Variants in DST observed in about 807,000 individuals in gnomAD.
DST encodes dystonin, also known as bullous pemphigoid antigen.
A neutral mutation model predicts 875.2 loss-of-function variants in DST; 253 were observed. The ratio of observed to expected loss-of-function variants is 0.29; its 90% confidence interval spans 0.26 to 0.32. The LOEUF (loss-of-function observed/expected upper bound fraction) is 0.32, where lower values mean the gene tolerates loss of function less well. Among genes scored for constraint, DST ranks in the 10% least tolerant of loss-of-function variants. DST has a pLI of 1.00. For synonymous variants in DST, 3,124 were observed against 3,197.1 expected (o/e 0.98, Z 0.77); for missense variants, 8,287 against 9,111.6 (o/e 0.91, Z 3.68).
chr6:56,764,663 A>C (rs752411972), intron 4 of DST, among the ~76,000 whole-genome samples: 7 of 152,130 alleles, frequency 4.6e-5, no homozygotes, highest in Non-Finnish European at 1.0e-4. Flanking sequence ...GAACACTAAA[A>C]AGAAGGATGT....
chr6:56,531,623 G>T (rs1445950360), intron 64 of DST, among the ~76,000 whole-genome samples: 1 of 152,082 alleles, frequency 6.6e-6, no homozygotes, highest in South Asian at 2.1e-4. Context: ...ACTCACTCAG[G>T]TCAGTGATTC....
intron 5 of DST, among the ~76,000 whole-genome samples, chr6:56,716,174 A>C (rs1353074816): frequency 6.6e-6 from 1 of 152,220 alleles, no homozygotes; most frequent in African/African-American, 2.4e-5. Flanking sequence ...CTGAATAATG[A>C]ATCGTAAAAC....
intron 36 of DST, chr6:56,620,477 T>G: frequency 6.2e-7 from 1 of 1,614,172 alleles, no homozygotes; most frequent in East Asian, 2.2e-5. Flanking sequence ...AGCCCTTATC[T>G]TCTGCAGAGA....
intron 84 of DST, 138 bp downstream of exon 84, chr6:56,492,796 C>A: frequency 1.4e-6 from 1 of 723,604 alleles, no homozygotes; most frequent in Non-Finnish European, 2.1e-6. Flanking sequence ...TCGCTTGAAC[C>A]GGGAGGCAGA....
At chr6:56,947,049 G>C (rs1819896633) in intron 2 of DST, among the ~76,000 whole-genome samples, 1 of 152,030 alleles carries the variant, frequency 6.6e-6, no homozygotes, top group Non-Finnish European at 1.5e-5. Context: ...CAATGATGCT[G>C]ATCCTTGGAC....
chr6:56,911,327 C>T (rs890417449), intron 2 of DST, among the ~76,000 whole-genome samples: 10 of 152,190 alleles, frequency 6.6e-5, no homozygotes, highest in South Asian at 2.1e-4. Context: ...GCCTGAGAGT[C>T]TGCTTTTCTA....
chr6:56,599,516 G>A (rs1025889045), intron 45 of DST, among the ~76,000 whole-genome samples: 3 of 152,020 alleles, frequency 2.0e-5, no homozygotes, highest in African/African-American at 4.8e-5. Context: ...CTGAGGCTGT[G>A]ACAGACTGTT....
intron 36 of DST, chr6:56,618,230 T>C (rs1402508378): frequency 2.5e-6 from 4 of 1,614,166 alleles, no homozygotes; most frequent in East Asian, 2.2e-5. Flanking sequence ...TTGGACTTCT[T>C]TGGGTATCTG....
chr6:56,778,142 T>A (rs1321072375), intron 4 of DST, among the ~76,000 whole-genome samples: 1 of 152,142 alleles, frequency 6.6e-6, no homozygotes, highest in Non-Finnish European at 1.5e-5. Flanking sequence ...GTGCTTCTAC[T>A]AGCATAGTTC....
At chr6:56,725,828 G>A (rs1203242715) in intron 5 of DST, among the ~76,000 whole-genome samples, 1 of 152,086 alleles carries the variant, frequency 6.6e-6, no homozygotes, top group African/African-American at 2.4e-5. Context: ...CATTCCATAT[G>A]TTAAGAACTC....
chr6:56,951,474 T>C (rs576964044), intron 2 of DST, among the ~76,000 whole-genome samples: 8 of 152,358 alleles, frequency 5.3e-5, no homozygotes, highest in African/African-American at 1.9e-4. Context: ...TTTTAAAATA[T>C]GTTTAAAACC....
intron 4 of DST, among the ~76,000 whole-genome samples, chr6:56,825,966 A>T (rs1459195023): frequency 6.6e-6 from 1 of 152,254 alleles, no homozygotes; most frequent in African/African-American, 2.4e-5. Flanking sequence ...CATGGCACTC[A>T]ATAACACTAT....
rs1307502181 is a variant in DST, at chr6:56,603,389, A to G, written c.10973T>C (p.Val3658Ala). ...CAACTTCATATCTTTTCTTAAAATA[A>G]CAGCAATTGGAGCTAATCCCAATTC... Reference protein sequence around the residue: ...TFELGLAPIAVILRKDMKLAE... With the variant: ...TFELGLAPIAAILRKDMKLAE... The change falls in exon 42 of 104, where the codon GTT (valine) becomes GCT (alanine). Residue 3658 changes from valine (V) to alanine (A), a missense_variant. This residue lies in a region of DST where 3,138 missense variants were observed against 3,116.6 expected (regional missense o/e 1.01). Coordinates refer to ENST00000680361, the MANE Select transcript of DST (RefSeq NM_001374736.1). 6.2e-7 allele frequency: 1 copy of G among 1,610,808 alleles called. No individual in the cohort carries two copies. Among genetic ancestry groups the G allele is most frequent in the African/African-American group, 1.3e-5 (1 of 74,984 alleles).
Position 56,552,244 on chromosome 6 carries a change from C to T in DST, c.16548G>A (p.Glu5516=). Residue 5516 remains glutamate, a synonymous_variant, in exon 61 of 104, where the codon GAG becomes GAA. Coordinates refer to ENST00000680361, the MANE Select transcript of DST (RefSeq NM_001374736.1). ...ILLQKAEEHE[E]SQGPVGMETE... is the part of the protein sequence containing the mutation. ...TTTCCATACCAACAGGACCTTGTGACTCTTCATGTTCTTCGGCTTTCTGGA... is the reference window on the plus strand; with the variant it reads ...TTTCCATACCAACAGGACCTTGTGATTCTTCATGTTCTTCGGCTTTCTGGA... The T allele has an allele frequency of 1.2e-6, 2 of 1,613,992 alleles. No homozygotes were observed. The highest frequency in any genetic ancestry group is 1.7e-6 in the Non-Finnish European group (2 of 1,179,884).
At chr6:56,590,831 C>T (rs2098259634) in intron 49 of DST, among the ~76,000 whole-genome samples, 1 of 152,206 alleles carries the variant, frequency 6.6e-6, no homozygotes, top group African/African-American at 2.4e-5. Context: ...TGCTTCCCAC[C>T]CCTTCACGGG....
chr6:56,644,605 C>G (rs1015960360), intron 15 of DST, among the ~76,000 whole-genome samples: 2 of 152,088 alleles, frequency 1.3e-5, no homozygotes, highest in Admixed American at 6.6e-5. Context: ...AAAAATACAA[C>G]CAAGATAAGC....
In DST at chr6:56,603,570, C is replaced by T; in HGVS notation, c.10935G>A (p.Gln3645=). ...NLEALKNQLR[Q]LETFELGLAP... ...GGCAGTAGACAATTCTTACCTCCAA[C>T]TGTCTAAGTTGATTCTTCAAAGCTT... is the stretch of plus-strand genomic sequence containing the variant. Residue 3645 remains glutamine (Q), a synonymous_variant, in exon 41 of 104, where the codon CAG becomes CAA. Coordinates refer to ENST00000680361, the MANE Select transcript of DST (RefSeq NM_001374736.1). The T allele has an allele frequency of 6.2e-7, 1 of 1,605,430 alleles. No homozygotes were observed. Among genetic ancestry groups the T allele is most frequent in the Non-Finnish European group, 8.5e-7 (1 of 1,177,040 alleles).
intron 3 of DST, chr6:56,871,439 G>A: frequency 6.3e-7 from 1 of 1,596,726 alleles, no homozygotes. Flanking sequence ...AAGGTCGGTG[G>A]CCCAAAAAGA....
At chr6:56,477,513 T>C (rs1160175966) in intron 90 of DST, 25 bp from the exon 91 acceptor site, 11 of 1,613,602 alleles carry the variant, frequency 6.8e-6, no homozygotes, top group Non-Finnish European at 9.3e-6. Context: ...AAGACTTCAA[T>C]TAACTGTTGG....
Sources: gnomAD v4.1 joint callset for allele counts (sites outside exome capture counted in the v4.1 genomes callset) on GRCh38, gnomAD v4.1.1 for gene constraint, gnomAD v4.1.1 regional missense constraint, MANE v1.5 for transcripts, NCBI Gene and HGNC (gene_info 2026-07-23, HGNC 2026-07-21) for gene names.